The following USP25 variants were observed in gnomAD, a reference collection of about 807,000 sequenced individuals.
USP25 encodes ubiquitin specific peptidase 25.
Under a neutral mutation model 158.5 loss-of-function variants are expected in USP25, and 85 were observed. The ratio of observed to expected loss-of-function variants is 0.54; its 90% CI spans 0.45 to 0.64. The LOEUF is 0.64. Among genes scored for constraint, USP25 ranks in the 30% least tolerant of loss-of-function variants. USP25 has a pLI of 0.00. For synonymous variants in USP25, 464 were observed against 460.4 expected, an observed-to-expected ratio of 1.01 and a Z score of -0.10; for missense variants, 1,242 against 1,327.3, an observed-to-expected ratio of 0.94 and a Z score of 1.00.
rs932003168 is a variant in USP25 at position 15,826,296 on chromosome 21, C to T, written c.1397C>T (p.Thr466Ile). The change falls in exon 13 of 26, where the codon ACT becomes ATT. Residue 466 changes from threonine to isoleucine, a missense_variant. Around this residue, in one of 3 missense-constraint regions of USP25, gnomAD observed 627 missense variants for 701.4 expected, o/e 0.89. Coordinates refer to ENST00000400183, the MANE Select transcript of USP25 (RefSeq NM_001283041.3). The surrounding 1 kb of genome is among the most constrained non-coding windows in gnomAD (Gnocchi z 4.8). ...TTTGCCTCAAGTAAACCTGTTTGCA[C>T]TTCTCCTGTTGACGATATTGACGCT... Reference protein sequence around the residue: ...LEFASSKPVCTSPVDDIDASS... With the variant: ...LEFASSKPVCISPVDDIDASS... The T allele has an allele frequency of 1.9e-6, 3 of 1,613,974 alleles. No homozygotes were observed. Among genetic ancestry groups the T allele is most frequent in the Admixed American group, 1.7e-5 (1 of 59,994 alleles).
intron 17 of USP25, among the ~76,000 whole-genome samples, chr21:15,836,796 C>T (rs1350900025): frequency 7.3e-6 from 1 of 136,728 alleles, no homozygotes; most frequent in African/African-American, 2.8e-5. Context: ...TACCTGAATA[C>T]TGTTGTTGAG....
chr21:15,739,709 TG>T (rs1414423824), intron 1 of USP25, among the ~76,000 whole-genome samples: 1 of 152,218 alleles, frequency 6.6e-6, no homozygotes, highest in Non-Finnish European at 1.5e-5. Context: ...CCTGCAGCAG[TG>T]GCCTGCCTTT....
At position 15,805,131 on chromosome 21, in the gene USP25, AT is replaced by A; in HGVS notation, c.656del (p.Leu219CysfsTer7). On this transcript the variant is annotated frameshift_variant, in exon 7 of 26. Coordinates refer to ENST00000400183, the MANE Select transcript of USP25 (RefSeq NM_001283041.3). LOFTEE classifies it high-confidence loss of function. ...DLPRNQKEHR[N>X]LPFMRELRYL... Reference sequence around the variant, plus strand: ...TTTTTCCTTCAATAGGAACATCGGAATTTGCCTTTTATGCGTGAGCTGAGGT... The same window carrying A: ...TTTTTCCTTCAATAGGAACATCGGAATTGCCTTTTATGCGTGAGCTGAGGT... The A allele has an allele frequency of 6.3e-7, 1 of 1,588,898 alleles. No individual in the cohort carries two copies. The highest frequency in any genetic ancestry group is 1.2e-5 in the South Asian group (1 of 85,778).
chr21:15,776,107 A>C (rs572516958), intron 3 of USP25, among the ~76,000 whole-genome samples: 1 of 152,114 alleles, frequency 6.6e-6, no homozygotes, highest in African/African-American at 2.4e-5. Context: ...TCACTGCTTC[A>C]TCAGTGTTTA....
chr21:15,824,537 CCTGT>C (rs2037397494), intron 11 of USP25, among the ~76,000 whole-genome samples: 1 of 151,768 alleles, frequency 6.6e-6, no homozygotes. Context: ...TCTCTGTCTT[CCTGT>C]CTTTCTGTCT....
In USP25 at chr21:15,766,040, C is replaced by A; in HGVS notation, c.167C>A (p.Ala56Glu). 6.2e-7 allele frequency: 1 copy of A among 1,608,488 alleles called. No individual in the cohort carries two copies. The highest frequency in any genetic ancestry group is 8.5e-7 in the Non-Finnish European group (1 of 1,177,024). ...GAATTAGCAGTGGCTTTCCTTACTG[C>A]GAAGAATGCTAAGACCCCTCAGCAG... The part of the protein sequence containing the change: ...NLELAVAFLT[A>E]KNAKTPQQEE... Residue 56 changes from alanine (A) to glutamate (E), a missense_variant, in exon 3 of 26, where the codon GCG becomes GAG. Ala to Glu is a moderately radical substitution (Grantham distance 107). This residue lies in a region of USP25 where 627 missense variants were observed against 701.4 expected (regional missense o/e 0.89). Transcript: ENST00000400183. This position sits in a 1 kb window ranked among gnomAD's most constrained non-coding sequence, Gnocchi z 4.0.
intron 1 of USP25, among the ~76,000 whole-genome samples, chr21:15,761,320 T>TC (rs936140058): frequency 6.6e-6 from 1 of 151,806 alleles, no homozygotes; most frequent in African/African-American, 2.4e-5. Flanking sequence ...GAAGGGGGCC[T>TC]CCCCCCCAGG....
At chr21:15,801,304 A>G (rs1209216170) in intron 6 of USP25, among the ~76,000 whole-genome samples, 3 of 151,712 alleles carry the variant, frequency 2.0e-5, no homozygotes, top group South Asian at 2.1e-4. Context: ...TTATGCTTAT[A>G]TATCAGAACG....
Position 15,853,813 on chromosome 21 carries a change from C to T in USP25, c.2547+3941C>T, listed in dbSNP as rs140677414. On this transcript the variant is annotated intron_variant, in intron 20 of 25. Coordinates refer to ENST00000400183, the MANE Select transcript of USP25 (RefSeq NM_001283041.3). ...TTTCCTGTTTTTTTTAATACTTAAC[C>T]GTGTTAGCGTTGGAATGATCTGTTC... 3.6e-3 allele frequency among the ~76,000 whole-genome samples: 541 copies of T among 152,036 alleles called. 4 individuals carry two copies. The highest frequency in any genetic ancestry group is 4.9e-3 in the Non-Finnish European group (334 of 67,978).
rs140983612 is a variant in USP25 at position 15,781,193 on chromosome 21, G to A, written c.392+3166G>A. ...TGGCAGGAGCCACACCCCATGCAAT[G>A]TGGGCTCTCCTACGGCCAGATACAC... is the stretch of plus-strand genomic sequence containing the variant. On this transcript the variant is annotated intron_variant, in intron 4 of 25. Transcript: ENST00000400183. Among the ~76,000 whole-genome samples, 359 of 152,324 alleles carry A rather than the reference G, an allele frequency of 2.4e-3. 5 individuals are homozygous for A. The highest frequency in any genetic ancestry group is 8.3e-3 in the African/African-American group (347 of 41,578).
At chr21:15,804,283 A>G (rs1038359002) in intron 6 of USP25, among the ~76,000 whole-genome samples, 4 of 151,682 alleles carry the variant, frequency 2.6e-5, no homozygotes. Flanking sequence ...TGAGAATCTT[A>G]TAGTCTTATT....
rs181253181 is a variant in USP25 at position 15,753,613 on chromosome 21, C to T, written c.46-9278C>T. ...CTTAGTAAGTGGGCCTGACTTATGTCATTTAGAAGAATTCTTCAATTTAGA... is the reference window on the plus strand; with the variant it reads ...CTTAGTAAGTGGGCCTGACTTATGTTATTTAGAAGAATTCTTCAATTTAGA... On this transcript the variant is annotated intron_variant, in intron 1 of 25. Coordinates refer to ENST00000400183, the MANE Select transcript of USP25 (RefSeq NM_001283041.3). 5.3e-5 allele frequency among the ~76,000 whole-genome samples: 8 copies of T among 151,420 alleles called. No individual in the cohort carries two copies. In the East Asian group the frequency reaches 1.6e-3, roughly 29 times the overall value.
intron 6 of USP25, 70 bp downstream of exon 6, chr21:15,799,913 G>A (rs1404909290): frequency 2.9e-6 from 3 of 1,042,908 alleles, no homozygotes; most frequent in Non-Finnish European, 4.0e-6. Flanking sequence ...ATTGATTTTT[G>A]GGCATTTACT....
At chr21:15,863,934 G>T (rs1354588710) in intron 20 of USP25, among the ~76,000 whole-genome samples, 3 of 152,054 alleles carry the variant, frequency 2.0e-5, no homozygotes, top group Non-Finnish European at 4.4e-5. Context: ...CTACTTGGGA[G>T]GCTGAGGCAG....
chr21:15,741,687 G>T (rs1034903304), intron 1 of USP25, among the ~76,000 whole-genome samples: 1 of 152,018 alleles, frequency 6.6e-6, no homozygotes, highest in Non-Finnish European at 1.5e-5. Flanking sequence ...ACTCCTACAC[G>T]ATAGGAATCA....
rs1169242005 is a variant in USP25 at position 15,826,696 on chromosome 21, C to T, written c.1467-281C>T. ...TTAGAATTTGTTTCTGTAATGTAAG[C>T]TGATAAGCCAGGGAAAATAATATCA... On this transcript the variant is annotated intron_variant, in intron 13 of 25. Coordinates refer to ENST00000400183, the MANE Select transcript of USP25 (RefSeq NM_001283041.3). The surrounding 1 kb of genome is among the most constrained non-coding windows in gnomAD (Gnocchi z 4.8). Among the ~76,000 whole-genome samples the T allele has an allele frequency of 6.6e-6, 1 of 152,030 alleles. No individual in the cohort carries two copies. The highest frequency in any genetic ancestry group is 1.5e-5 in the Non-Finnish European group (1 of 68,000).
chr21:15,837,864 CT>C (rs2038132122), intron 17 of USP25, among the ~76,000 whole-genome samples: 1 of 152,044 alleles, frequency 6.6e-6, no homozygotes, highest in African/African-American at 2.4e-5. Context: ...CGGTTGGATC[CT>C]GAGAGTAAGA....
At chr21:15,738,568 T>C (rs1206378920) in intron 1 of USP25, among the ~76,000 whole-genome samples, 2 of 152,224 alleles carry the variant, frequency 1.3e-5, no homozygotes, top group African/African-American at 2.4e-5. Flanking sequence ...TGTATGCAAA[T>C]GCAGTGGTCT....
intron 1 of USP25, among the ~76,000 whole-genome samples, chr21:15,741,560 G>T (rs1451450335): frequency 6.6e-6 from 1 of 152,074 alleles, no homozygotes; most frequent in Non-Finnish European, 1.5e-5. Context: ...CCTCATTGTG[G>T]TAGTAATTGT....
Sources: allele counts gnomAD v4.1 joint callset (sites outside exome capture counted in the v4.1 genomes callset), GRCh38; gene constraint gnomAD v4.1.1; regional missense constraint gnomAD v4.1.1; non-coding constraint Gnocchi (gnomAD v3.1); transcripts MANE v1.5; gene names NCBI Gene and HGNC (gene_info 2026-07-23, HGNC 2026-07-21).